LANCL3: variants seen among roughly 807,000 people sequenced by gnomAD.
LANCL3 encodes lanC-like protein 3.
LANCL3 carries 19 observed loss-of-function variants against 26.5 expected under a neutral mutation model. The observed-to-expected ratio is 0.72, with a 90% CI of 0.50 to 1.05. The LOEUF is 1.05. Ranked by LOEUF, LANCL3 falls within the 50% of genes least tolerant of loss-of-function variation. The pLI is 0.00. For synonymous variants in LANCL3, 160 were observed against 166.6 expected (o/e 0.96, Z 0.30); for missense variants, 318 against 362.7 (o/e 0.88, Z 1.00).
chrX:37,639,481 G>A (rs1259904952), intron 1 of LANCL3, among the ~76,000 whole-genome samples: 2 of 109,182 alleles, frequency 1.8e-5, no homozygotes, highest in Non-Finnish European at 3.8e-5. Context: ...GCCTGCTTTG[G>A]TTTATTTAAA....
At chrX:37,607,139 C>T (rs1556420628) in intron 1 of LANCL3, among the ~76,000 whole-genome samples, 1 of 112,360 alleles carries the variant, frequency 8.9e-6, no homozygotes, top group East Asian at 2.8e-4. Context: ...GCAGTTTCTT[C>T]TTCTAATGTT....
intron 1 of LANCL3, among the ~76,000 whole-genome samples, chrX:37,635,885 TG>T (rs1925692442): frequency 9.0e-6 from 1 of 110,664 alleles, no homozygotes; most frequent in Non-Finnish European, 1.9e-5. Flanking sequence ...GGGGGTTTGG[TG>T]TACAGATTAT....
chrX:37,629,685 G>T (rs1925427664), intron 1 of LANCL3, among the ~76,000 whole-genome samples: 3 of 110,276 alleles, frequency 2.7e-5, no homozygotes, highest in African/African-American at 1.0e-4. Context: ...AGTTTTCACA[G>T]CACCATTTAT....
chrX:37,595,347 G>A (rs1924396970), intron 1 of LANCL3, among the ~76,000 whole-genome samples: 1 of 112,034 alleles, frequency 8.9e-6, no homozygotes, highest in Non-Finnish European at 1.9e-5. Flanking sequence ...TAAAGAAATG[G>A]CAACCTACAT....
At chrX:37,611,992 G>A (rs190924014) in intron 1 of LANCL3, among the ~76,000 whole-genome samples, 2 of 109,953 alleles carry the variant, frequency 1.8e-5, no homozygotes, top group Non-Finnish European at 3.8e-5. Flanking sequence ...TGGTGCGATC[G>A]TACAGTGGCA....
chrX:37,642,412 T>C (rs1324873350), intron 1 of LANCL3, among the ~76,000 whole-genome samples: 1 of 111,756 alleles, frequency 8.9e-6, no homozygotes, highest in Non-Finnish European at 1.9e-5. Context: ...CTGGTTGTGG[T>C]ACAGATGCTC....
At chrX:37,574,909 G>GTA (rs1322367977) in intron 1 of LANCL3, among the ~76,000 whole-genome samples, 2 of 106,468 alleles carry the variant, frequency 1.9e-5, no homozygotes, top group African/African-American at 7.1e-5. Context: ...GTGTGTGTGT[G>GTA]TGTATGTATA....
intron 1 of LANCL3, among the ~76,000 whole-genome samples, chrX:37,576,601 A>G (rs1468940404): frequency 8.9e-6 from 1 of 111,928 alleles, no homozygotes; most frequent in Non-Finnish European, 1.9e-5. Context: ...TCATTCATTC[A>G]GTAAATGTCA....
intron 1 of LANCL3, among the ~76,000 whole-genome samples, chrX:37,583,961 A>G (rs1269114421): frequency 1.8e-5 from 2 of 111,764 alleles, no homozygotes; most frequent in Non-Finnish European, 1.9e-5. Context: ...TGTTTGTCAT[A>G]GATAGCTCTT....
Position 37,631,417 on chromosome X carries a change from G to A in LANCL3, c.574-24271G>A, listed in dbSNP as rs1172629978. Among the ~76,000 whole-genome samples the A allele has an allele frequency of 7.2e-5, 8 of 111,390 alleles. No homozygotes were observed. In the Admixed American group the frequency reaches 7.6e-4, roughly 11 times the overall value. ...CAAAAAACTAGCTCCTGGATTCATT[G>A]ATTTTTTGAAGGGTTTTTTGTGTCT... is the stretch of plus-strand genomic sequence containing the variant. On this transcript the variant is annotated intron_variant, in intron 1 of 4. Transcript: ENST00000378619.
At chrX:37,595,670 A>C (rs1924406732) in intron 1 of LANCL3, among the ~76,000 whole-genome samples, 1 of 112,485 alleles carries the variant, frequency 8.9e-6, no homozygotes, top group South Asian at 3.7e-4. Flanking sequence ...GTCCTAGTAC[A>C]ATACCTGACA....
chrX:37,574,054 C>CAAAA (rs34987799), intron 1 of LANCL3, among the ~76,000 whole-genome samples: 4 of 33,425 alleles, frequency 1.2e-4, no homozygotes, highest in East Asian at 8.9e-4. Flanking sequence ...TCAAGGATAG[C>CAAAA]AAAAAAAAAA....
intron 1 of LANCL3, among the ~76,000 whole-genome samples, chrX:37,619,913 A>G (rs1184409594): frequency 8.9e-6 from 1 of 112,357 alleles, no homozygotes; most frequent in Non-Finnish European, 1.9e-5. Context: ...CAATCTATCA[A>G]TAAACTAAGT....
At chrX:37,572,896 T>C (rs1298526443) in intron 1 of LANCL3, among the ~76,000 whole-genome samples, 1 of 112,179 alleles carries the variant, frequency 8.9e-6, no homozygotes, top group Non-Finnish European at 1.9e-5. Flanking sequence ...CCTGGGTCTG[T>C]AACCAAGAAT....
At chrX:37,589,746 C>A (rs1241227945) in intron 1 of LANCL3, among the ~76,000 whole-genome samples, 1 of 111,528 alleles carries the variant, frequency 9.0e-6, no homozygotes, top group African/African-American at 3.3e-5. Context: ...CATATGTATT[C>A]TTTTGGATGT....
chrX:37,654,711 T>TA (rs782354741), intron 1 of LANCL3, among the ~76,000 whole-genome samples: 2 of 111,939 alleles, frequency 1.8e-5, no homozygotes, highest in East Asian at 5.6e-4. Context: ...GTCACTTATT[T>TA]ACTCACTCAT....
intron 3 of LANCL3, among the ~76,000 whole-genome samples, chrX:37,659,993 T>C (rs1926378747): frequency 8.9e-6 from 1 of 111,812 alleles, no homozygotes; most frequent in Admixed American, 9.5e-5. Context: ...TAATAATATA[T>C]ATTATAGTTC....
intron 1 of LANCL3, among the ~76,000 whole-genome samples, chrX:37,618,235 C>T (rs782729532): frequency 2.9e-4 from 32 of 112,175 alleles, no homozygotes; most frequent in African/African-American, 8.4e-4. Flanking sequence ...CCTGTGTATG[C>T]GTTTTTGTGG....
intron 1 of LANCL3, among the ~76,000 whole-genome samples, chrX:37,640,445 C>T (rs1464353115): frequency 2.7e-5 from 3 of 111,495 alleles, no homozygotes; most frequent in Non-Finnish European, 5.7e-5. Flanking sequence ...AGGCCCTTCC[C>T]CCGACATGTG....
Sources: gnomAD v4.1 joint callset for allele counts (sites outside exome capture counted in the v4.1 genomes callset) on GRCh38, gnomAD v4.1.1 for gene constraint, MANE v1.5 for transcripts, NCBI Gene and HGNC (gene_info 2026-07-23, HGNC 2026-07-21) for gene names.